Variants in COL23A1 observed in about 807,000 individuals in gnomAD.
The protein encoded by COL23A1 is collagen type XXIII alpha 1 chain.
In COL23A1, 97 loss-of-function variants were observed where a neutral mutation model predicts 99.3. The ratio of observed to expected loss-of-function variants is 0.98; its 90% CI spans 0.83 to 1.16. The LOEUF is 1.16. Among genes scored for constraint, COL23A1 ranks in the 50% most tolerant of loss-of-function variants. COL23A1 has a pLI of 0.00. For missense variants in COL23A1, 762 were observed against 757.4 expected (o/e 1.01, Z -0.07); for synonymous variants, 320 against 308.2 (o/e 1.04, Z -0.40).
intron 2 of COL23A1, among the ~76,000 whole-genome samples, chr5:178,492,056 T>G (rs1164897501): frequency 6.6e-6 from 1 of 152,218 alleles, no homozygotes; most frequent in African/African-American, 2.4e-5. Flanking sequence ...TTTTAAATAT[T>G]CAATTCAATT....
chr5:178,277,709 A>C (rs747420719), intron 5 of COL23A1, among the ~76,000 whole-genome samples: 5 of 152,202 alleles, frequency 3.3e-5, no homozygotes, highest in Admixed American at 1.3e-4. Context: ...GGAAGTAATT[A>C]CATGTATGTC....
At chr5:178,318,025 T>C (rs1330218701) in intron 2 of COL23A1, among the ~76,000 whole-genome samples, 1 of 152,058 alleles carries the variant, frequency 6.6e-6, no homozygotes, top group Non-Finnish European at 1.5e-5. Context: ...GGAGCTACAG[T>C]TCAAGATGAG....
intron 8 of COL23A1, chr5:178,265,569 G>T: frequency 3.4e-6 from 2 of 580,032 alleles, no homozygotes; most frequent in Non-Finnish European, 4.4e-6. Context: ...GGGATTGGAT[G>T]GCTGAGGTCT....
At chr5:178,369,935 C>T (rs935086519) in intron 2 of COL23A1, among the ~76,000 whole-genome samples, 1 of 152,166 alleles carries the variant, frequency 6.6e-6, no homozygotes, top group African/African-American at 2.4e-5. Flanking sequence ...AGAGGCAAGA[C>T]CTTAGGTTCC....
chr5:178,465,835 G>C (rs1468667162), intron 2 of COL23A1, among the ~76,000 whole-genome samples: 1 of 152,246 alleles, frequency 6.6e-6, no homozygotes. Context: ...GCGTGCAGGG[G>C]CAGGGAGATG....
chr5:178,348,841 C>T (rs1052660169), intron 2 of COL23A1, among the ~76,000 whole-genome samples: 7 of 152,338 alleles, frequency 4.6e-5, no homozygotes, highest in Admixed American at 2.6e-4. Flanking sequence ...TCTCTGCACA[C>T]GGCCCAGGCC....
At chr5:178,548,674 T>G (rs953324158) in intron 2 of COL23A1, among the ~76,000 whole-genome samples, 26 of 151,786 alleles carry the variant, frequency 1.7e-4, no homozygotes, top group Non-Finnish European at 3.7e-4. Context: ...CTAGAGCCTC[T>G]GGCTTGTCCT....
At position 178,247,649 on chromosome 5, in the gene COL23A1, GC is replaced by G. The variant is rs901057524; in HGVS notation, c.1270-98del. The stretch of plus-strand genomic sequence containing the variant: ...GGCCCTGTCCTGGGCTCTGCCCTCT[GC>G]CCATGTGCCCCTCCCTGAACGAAGA... On this transcript the variant is annotated intron_variant, in intron 21 of 28. Coordinates refer to ENST00000390654, the MANE Select transcript of COL23A1 (RefSeq NM_173465.4). The G allele has an allele frequency of 8.3e-6, 13 of 1,562,488 alleles. No individual in the cohort carries two copies. The African/African-American group carries it at 1.6e-4, about 19-fold the overall frequency.
chr5:178,364,353 C>T (rs1762340937), intron 2 of COL23A1, among the ~76,000 whole-genome samples: 3 of 152,070 alleles, frequency 2.0e-5, no homozygotes, highest in African/African-American at 7.2e-5. Context: ...GGTTTTGAAT[C>T]TCTTGGTTTG....
At chr5:178,464,161 A>G (rs1756286629) in intron 2 of COL23A1, among the ~76,000 whole-genome samples, 1 of 152,240 alleles carries the variant, frequency 6.6e-6, no homozygotes, top group Admixed American at 6.5e-5. Flanking sequence ...GTCGACTGCC[A>G]GAGCTCTTTC....
chr5:178,545,083 C>CT (rs1169015624), intron 2 of COL23A1, among the ~76,000 whole-genome samples: 1 of 150,316 alleles, frequency 6.7e-6, no homozygotes, highest in Non-Finnish European at 1.5e-5. Context: ...GATCCTGACT[C>CT]TAAGGAAACA....
At position 178,309,153 on chromosome 5, in the gene COL23A1, G is replaced by A. The variant is rs926950662; in HGVS notation, c.362-2234C>T. 3.9e-5 allele frequency among the ~76,000 whole-genome samples: 6 copies of A among 152,348 alleles called. No individual in the cohort carries two copies. Among genetic ancestry groups the A allele is most frequent in the East Asian group, 1.9e-4 (1 of 5,186 alleles). On this transcript the variant is annotated intron_variant, in intron 2 of 28. Transcript: ENST00000390654. The surrounding 1 kb of genome is among the most constrained non-coding windows in gnomAD (Gnocchi z 4.7). ...ACTGGGTACGACTAGGAAGTTCTCC[G>A]TCTGGGTAACTGAAGCCAGATGAAG... is the stretch of plus-strand genomic sequence containing the variant.
chr5:178,497,391 C>T (rs1015694485), intron 2 of COL23A1, among the ~76,000 whole-genome samples: 5 of 152,220 alleles, frequency 3.3e-5, no homozygotes, highest in South Asian at 4.1e-4. Context: ...GGCTGCTGGC[C>T]GTTGGAGAAG....
At chr5:178,486,438 T>C (rs1308339911) in intron 2 of COL23A1, among the ~76,000 whole-genome samples, 2 of 152,146 alleles carry the variant, frequency 1.3e-5, no homozygotes. Flanking sequence ...CAGAGCGCAC[T>C]GCGTAATTAC....
chr5:178,467,772 G>C (rs1226325375), intron 2 of COL23A1, among the ~76,000 whole-genome samples: 3 of 151,962 alleles, frequency 2.0e-5, no homozygotes, highest in Non-Finnish European at 4.4e-5. Flanking sequence ...TATACACTAT[G>C]GTAAACAAAA....
intron 2 of COL23A1, among the ~76,000 whole-genome samples, chr5:178,386,370 C>T (rs908446258): frequency 4.6e-5 from 7 of 151,344 alleles, no homozygotes; most frequent in African/African-American, 9.7e-5. Flanking sequence ...ACCCAGGAAG[C>T]GGAGGTTGCA....
In COL23A1 at chr5:178,384,491, C is replaced by T. The variant is rs537894826; in HGVS notation, c.362-77572G>A. On this transcript the variant is annotated intron_variant, in intron 2 of 28. Coordinates refer to ENST00000390654, the MANE Select transcript of COL23A1 (RefSeq NM_173465.4). The surrounding 1 kb of genome is among the most constrained non-coding windows in gnomAD (Gnocchi z 5.5). ...CCCTCCCTCGGCTTTTTGGAGGCCA[C>T]GTGGACGGCGCTGAGTGCATCCCTC... is the stretch of plus-strand genomic sequence containing the variant. Among the ~76,000 whole-genome samples the T allele has an allele frequency of 2.0e-5, 3 of 152,222 alleles. No homozygotes were observed. Among genetic ancestry groups the T allele is most frequent in the Non-Finnish European group, 2.9e-5 (2 of 68,004 alleles).
intron 5 of COL23A1, among the ~76,000 whole-genome samples, chr5:178,277,812 C>T (rs1561817942): frequency 6.6e-6 from 1 of 152,186 alleles, no homozygotes; most frequent in Non-Finnish European, 1.5e-5. Context: ...CACATTTGCC[C>T]ATGACTGGTG....
chr5:178,419,251 C>A lies in COL23A1; in HGVS notation c.362-112332G>T, dbSNP rs1245999537. On this transcript the variant is annotated intron_variant, in intron 2 of 28. Coordinates refer to ENST00000390654, the MANE Select transcript of COL23A1 (RefSeq NM_173465.4). Reference sequence around the variant, plus strand: ...CTGACTGGGTTTTTGCTCTCAGTTGCTCAGGAACTCTGTTCTCGTCAAGGT... The same window carrying A: ...CTGACTGGGTTTTTGCTCTCAGTTGATCAGGAACTCTGTTCTCGTCAAGGT... 9.8e-5 allele frequency among the ~76,000 whole-genome samples: 15 copies of A among 152,298 alleles called. No homozygotes were observed. In the East Asian group the frequency reaches 2.7e-3, roughly 27 times the overall value.
Sources: allele counts gnomAD v4.1 joint callset (sites outside exome capture counted in the v4.1 genomes callset), GRCh38; gene constraint gnomAD v4.1.1; non-coding constraint Gnocchi (gnomAD v3.1); transcripts MANE v1.5; gene names NCBI Gene and HGNC (gene_info 2026-07-23, HGNC 2026-07-21).